The following IGSF6 variants were observed in gnomAD, a reference collection of about 807,000 sequenced individuals.
The protein encoded by IGSF6 is down-regulated by activation (immunoglobulin superfamily).
Under a neutral mutation model 24.7 loss-of-function variants are expected in IGSF6, and 23 were observed. That is an observed-to-expected ratio of 0.93 (90% CI 0.67 to 1.32). IGSF6 has a LOEUF of 1.32. Among genes scored for constraint, IGSF6 ranks in the 40% most tolerant of loss-of-function variants. The pLI, the probability that IGSF6 is intolerant of heterozygous loss-of-function variation, is 0.00. For synonymous variants in IGSF6, 110 were observed against 113.7 expected (o/e 0.97, Z 0.21); for missense variants, 295 against 293.6 (o/e 1.00, Z -0.04).
intron 2 of IGSF6, 112 bp downstream of exon 2, chr16:21,647,021 G>T: frequency 7.3e-7 from 1 of 1,368,452 alleles, no homozygotes; most frequent in Non-Finnish European, 1.0e-6. Context: ...TCACTGGCTA[G>T]GGTATTAACT....
At chr16:21,644,544 G>C in intron 2 of IGSF6, 148 bp from the exon 3 acceptor site, 1 of 585,144 alleles carries the variant, frequency 1.7e-6, no homozygotes, top group Non-Finnish European at 3.0e-6. Context: ...ACCTCAAAAG[G>C]TACTCAAGTA....
In IGSF6 at chr16:21,644,326, C is replaced by A; in HGVS notation, c.498G>T (p.Val166=). The part of the protein sequence containing the change: ...TALVSLLSVY[V]TGVCVAFILL... ...GTATGAAGGCCACGCACACACCGGTCACATAGACAGAGAGCAGTGATACAA... is the reference window on the plus strand; with the variant it reads ...GTATGAAGGCCACGCACACACCGGTAACATAGACAGAGAGCAGTGATACAA... The change falls in exon 3 of 6, where the codon GTG becomes GTT. Residue 166 remains valine (V), a synonymous_variant. Coordinates refer to ENST00000268389, the MANE Select transcript of IGSF6 (RefSeq NM_005849.4). 6.2e-7 allele frequency: 1 copy of A among 1,613,918 alleles called. No individual in the cohort carries two copies. The highest frequency in any genetic ancestry group is 1.1e-5 in the South Asian group (1 of 91,056).
In IGSF6 at chr16:21,648,747, G is replaced by GT. The variant is rs559022191; in HGVS notation, c.68-1256dup. 3.0e-3 allele frequency among the ~76,000 whole-genome samples: 464 copies of GT among 152,342 alleles called. 4 individuals are homozygous for GT. Among genetic ancestry groups the GT allele is most frequent in the African/African-American group, 0.01 (416 of 41,580 alleles). ...GTTGAGACAAATTGGAATTTGTCAA[G>GT]TTTTTGGTCTGAGTTCCGCCTGGTC... On this transcript the variant is annotated intron_variant, in intron 1 of 5. Coordinates refer to ENST00000268389, the MANE Select transcript of IGSF6 (RefSeq NM_005849.4).
At chr16:21,644,456 T>C (rs1212963286) in intron 2 of IGSF6, 60 bp from the exon 3 acceptor site, 10 of 1,195,102 alleles carry the variant, frequency 8.4e-6, no homozygotes, top group Non-Finnish European at 1.2e-5. Flanking sequence ...TTCAAATACA[T>C]GTGTAAAGTA....
At chr16:21,643,518 A>C in intron 4 of IGSF6, 30 bp downstream of exon 4, 1 of 1,417,260 alleles carries the variant, frequency 7.1e-7, no homozygotes, top group Non-Finnish European at 9.8e-7. Context: ...GCCACAATTT[A>C]AAAAATATTT....
chr16:21,643,650 T>A (rs764108670), intron 3 of IGSF6, 52 bp from the exon 4 acceptor site: 1 of 1,199,140 alleles, frequency 8.3e-7, no homozygotes, highest in Non-Finnish European at 1.2e-6. Flanking sequence ...CTCATAACAA[T>A]GGTGGCAGAT....
intron 1 of IGSF6, among the ~76,000 whole-genome samples, chr16:21,650,486 T>C (rs1445742928): frequency 4.5e-5 from 6 of 132,252 alleles, no homozygotes; most frequent in African/African-American, 1.2e-4. Flanking sequence ...CTAGCCTGGG[T>C]GACAGAGTGA....
Position 21,646,898 on chromosome 16 carries a change from C to A in IGSF6, c.427+235G>T, listed in dbSNP as rs1034607219. 3.5e-5 allele frequency: 18 copies of A among 512,468 alleles called. 2 individuals carry two copies. The highest frequency in any genetic ancestry group is 2.4e-4 in the Admixed American group (8 of 33,422). 31.7% of individuals were successfully genotyped at this position (512,468 alleles called of 1,614,324 possible). On this transcript the variant is annotated intron_variant, in intron 2 of 5. Coordinates refer to ENST00000268389, the MANE Select transcript of IGSF6 (RefSeq NM_005849.4). ...CTTGAACTCCTGACCTCAAGTGATT[C>A]GTCCACCTCAGCCTCAAAGTGCTGG...
chr16:21,647,896 G>A (rs1966471040), intron 1 of IGSF6, among the ~76,000 whole-genome samples: 1 of 152,206 alleles, frequency 6.6e-6, no homozygotes, highest in South Asian at 2.1e-4. Context: ...TCCCCAGAGT[G>A]CTGTGTTCAG....
Position 21,644,713 on chromosome 16 carries a change from C to T in IGSF6, c.428-317G>A, listed in dbSNP as rs1342268335. 2.0e-5 allele frequency among the ~76,000 whole-genome samples: 3 copies of T among 152,312 alleles called. No homozygotes were observed. In the East Asian group the frequency reaches 5.8e-4, roughly 29 times the overall value. ...TTGAAGTTAGATAAACATTTCCAGA[C>T]AGTTTGTTCAAGGGCATCTAAAATC... On this transcript the variant is annotated intron_variant, in intron 2 of 5. Coordinates refer to ENST00000268389, the MANE Select transcript of IGSF6 (RefSeq NM_005849.4).
rs2141607457 is a variant in IGSF6, at chr16:21,640,109, T to C, written c.*1425A>G. ...TGTGCCACCAAACCCCGCTAAATTT[T>C]TTTGTATTTTTAGTAGAGACGGGTT... On this transcript the variant is annotated 3_prime_UTR_variant, in exon 6 of 6. Transcript: ENST00000268389. 6.7e-6 allele frequency: 1 copy of C among 149,500 alleles called. No homozygotes were observed. Among genetic ancestry groups the C allele is most frequent in the East Asian group, 2.0e-4 (1 of 5,116 alleles). 9.3% of individuals were successfully genotyped at this position (149,500 alleles called of 1,614,324 possible). A position where few individuals can be genotyped will look rare whatever the true frequency, so the allele number is the denominator to read the frequency against.
intron 5 of IGSF6, 43 bp downstream of exon 5, chr16:21,643,031 T>C (rs1966316370): frequency 1.5e-6 from 2 of 1,361,818 alleles, no homozygotes; most frequent in Non-Finnish European, 2.1e-6. Flanking sequence ...TCAAACGTGC[T>C]TTATATCTGT....
At chr16:21,644,845 A>G (rs1966383702) in intron 2 of IGSF6, among the ~76,000 whole-genome samples, 1 of 152,192 alleles carries the variant, frequency 6.6e-6, no homozygotes, top group African/African-American at 2.4e-5. Flanking sequence ...TGGAACTAGT[A>G]CACATAGCTG....
intron 2 of IGSF6, 61 bp from the exon 3 acceptor site, chr16:21,644,457 GT>G (rs1292000472): frequency 7.6e-6 from 9 of 1,185,550 alleles, no homozygotes; most frequent in Non-Finnish European, 1.0e-5. Flanking sequence ...TCAAATACAT[GT>G]GTAAAGTATC....
rs1966360888 is a variant in IGSF6, at chr16:21,644,289, C to G, written c.534+1G>C. The G allele has an allele frequency of 6.3e-7, 1 of 1,597,964 alleles. No individual in the cohort carries two copies. Among genetic ancestry groups the G allele is most frequent in the South Asian group, 1.1e-5 (1 of 90,778 alleles). On this transcript the variant is annotated splice_donor_variant, in intron 3 of 5. Transcript: ENST00000268389. LOFTEE classifies it high-confidence loss of function. ...ATTCCATGCAAGAGGATTTGACTTACTTTGGAGAGGAGTATGAAGGCCACG... is the reference window on the plus strand; with the variant it reads ...ATTCCATGCAAGAGGATTTGACTTAGTTTGGAGAGGAGTATGAAGGCCACG...
chr16:21,643,258 AC>A, intron 4 of IGSF6, 104 bp from the exon 5 acceptor site: 1 of 805,650 alleles, frequency 1.2e-6, no homozygotes, highest in East Asian at 2.4e-5. Flanking sequence ...GGTCCCAAAA[AC>A]TACCCCCTCC....
In IGSF6 at chr16:21,641,228, A is replaced by T. The variant is rs1289358171; in HGVS notation, c.*306T>A. 2.0e-5 allele frequency: 4 copies of T among 198,384 alleles called. No homozygotes were observed. The highest frequency in any genetic ancestry group is 2.3e-4 in the East Asian group (2 of 8,558). The allele number at this position is 198,384 out of a possible 1,614,324, so 12.3% of individuals were successfully genotyped here. On this transcript the variant is annotated 3_prime_UTR_variant, in exon 6 of 6. Transcript: ENST00000268389. ...ACTGAGGCACATGGTTTGGCTTCAG[A>T]TCTTCAGGATGGCAGTCATCACACA...
chr16:21,645,807 ATT>A (rs777787163), intron 2 of IGSF6, among the ~76,000 whole-genome samples: 68 of 152,296 alleles, frequency 4.5e-4, no homozygotes, highest in Non-Finnish European at 3.4e-4. Context: ...AGTAGCTAAC[ATT>A]TGTTATTTGC....
At chr16:21,651,918 A>G (rs1966586747) in intron 1 of IGSF6, 2 of 152,346 alleles carry the variant, frequency 1.3e-5, no homozygotes, top group South Asian at 4.1e-4. Flanking sequence ...TTTGCCTGAA[A>G]TAACTCCCAT....
Sources: allele counts gnomAD v4.1 joint callset (sites outside exome capture counted in the v4.1 genomes callset), GRCh38; gene constraint gnomAD v4.1.1; transcripts MANE v1.5; gene names NCBI Gene and HGNC (gene_info 2026-07-23, HGNC 2026-07-21).